Variants in GRM5 observed in about 807,000 individuals in gnomAD.
GRM5 encodes the protein metabotropic glutamate receptor 5.
A neutral mutation model predicts 83.1 loss-of-function variants in GRM5; 19 were observed. That is an observed-to-expected ratio of 0.23 (90% CI 0.16 to 0.34). GRM5 has a LOEUF of 0.34. Among genes scored for constraint, GRM5 ranks in the 10% least tolerant of loss-of-function variants. The pLI, the probability that GRM5 is intolerant of heterozygous loss-of-function variation, is 1.00. For missense variants in GRM5, 1,160 were observed against 1,588.3 expected, an observed-to-expected ratio of 0.73 and a Z score of 4.58; for synonymous variants, 675 against 633.6, an observed-to-expected ratio of 1.07 and a Z score of -0.98.
intron 9 of GRM5, 119 bp downstream of exon 9, chr11:88,525,190 G>T (rs1941836897): frequency 4.4e-6 from 3 of 684,216 alleles, no homozygotes; most frequent in Non-Finnish European, 5.3e-6. Context: ...TAGTAGCCTG[G>T]GTTGGACACA....
chr11:89,051,253 C>CA (rs749481078), intron 1 of GRM5, among the ~76,000 whole-genome samples: 15 of 148,786 alleles, frequency 1.0e-4, no homozygotes, highest in South Asian at 6.4e-4. Context: ...GACTCCGTCT[C>CA]ACAAAAAAGA....
chr11:88,852,967 A>G (rs1423086485), intron 2 of GRM5, among the ~76,000 whole-genome samples: 1 of 152,162 alleles, frequency 6.6e-6, no homozygotes, highest in East Asian at 1.9e-4. Flanking sequence ...AATATGTAGA[A>G]TGAGGAAAAA....
Position 88,931,643 on chromosome 11 carries a change from T to C in GRM5, c.662-81488A>G, listed in dbSNP as rs372457637. 5.3e-5 allele frequency among the ~76,000 whole-genome samples: 8 copies of C among 152,128 alleles called. No homozygotes were observed. The East Asian group carries it at 1.4e-3, about 26-fold the overall frequency. ...GCCCCACACAGGGCTCTAAAAGAGA[T>C]AAAATACAGTTGTTATTGTTGTTGT... On this transcript the variant is annotated intron_variant, in intron 2 of 9. Transcript: ENST00000305447.
intron 2 of GRM5, among the ~76,000 whole-genome samples, chr11:88,934,677 T>C (rs1187270877): frequency 6.6e-6 from 1 of 151,930 alleles, no homozygotes; most frequent in Non-Finnish European, 1.5e-5. Context: ...TTTATTTTAA[T>C]TGTATTCAAA....
At chr11:88,961,451 C>A (rs1938781462) in intron 2 of GRM5, among the ~76,000 whole-genome samples, 1 of 151,958 alleles carries the variant, frequency 6.6e-6, no homozygotes, top group Non-Finnish European at 1.5e-5. Flanking sequence ...GCAACTGTGC[C>A]AGGGTCAAAG....
intron 4 of GRM5, among the ~76,000 whole-genome samples, chr11:88,649,385 T>C (rs1239398136): frequency 7.0e-6 from 1 of 141,926 alleles, no homozygotes; most frequent in Non-Finnish European, 1.5e-5. Flanking sequence ...ATATTATGTA[T>C]TATATATTAT....
intron 2 of GRM5, among the ~76,000 whole-genome samples, chr11:89,005,486 A>G (rs1368700690): frequency 6.6e-6 from 1 of 152,224 alleles, no homozygotes; most frequent in Non-Finnish European, 1.5e-5. Flanking sequence ...GGGCCAAACA[A>G]AGGTAACAGT....
chr11:89,009,151 T>C, intron 2 of GRM5: 2 of 696,486 alleles, frequency 2.9e-6, no homozygotes, highest in South Asian at 1.6e-5. Flanking sequence ...AAAGGTTTTA[T>C]AAGTTAATTT....
At chr11:88,813,942 A>G (rs1414383969) in intron 3 of GRM5, among the ~76,000 whole-genome samples, 2 of 151,496 alleles carry the variant, frequency 1.3e-5, no homozygotes, top group Admixed American at 6.7e-5. Context: ...CTGATTAACC[A>G]TTAATTCAAA....
At chr11:88,556,619 C>T (rs888781705) in intron 8 of GRM5, among the ~76,000 whole-genome samples, 4 of 152,136 alleles carry the variant, frequency 2.6e-5, no homozygotes, top group African/African-American at 9.7e-5. Flanking sequence ...CCATGCATGG[C>T]CCTGTGGGAT....
rs1380374706 is a variant in GRM5, at chr11:88,508,938, A to G, written c.3293T>C (p.Leu1098Pro). Residue 1098 changes from leucine (L) to proline (P), a missense_variant, in exon 10 of 10, where the codon CTG (leucine) becomes CCG (proline). Physicochemically the swap from Leu to Pro is moderately conservative, Grantham distance 98 (BLOSUM62 -3). Transcript: ENST00000305447. The surrounding 1 kb of genome is among the most constrained non-coding windows in gnomAD (Gnocchi z 4.2). ...GGGCAACTGGATCTCTTTGGGGATCAGGTAGGACGAGCAGAGCGGGGCGCC... is the reference window on the plus strand; with the variant it reads ...GGGCAACTGGATCTCTTTGGGGATCGGGTAGGACGAGCAGAGCGGGGCGCC... ...GVGAPLCSSYLIPKEIQLPTT... is the reference protein window; with the variant it reads ...GVGAPLCSSYPIPKEIQLPTT... The G allele has an allele frequency of 6.3e-7, 1 of 1,598,426 alleles. No homozygotes were observed. The highest frequency in any genetic ancestry group is 8.5e-7 in the Non-Finnish European group (1 of 1,172,840).
At chr11:88,952,237 C>T (rs1185775506) in intron 2 of GRM5, among the ~76,000 whole-genome samples, 1 of 152,182 alleles carries the variant, frequency 6.6e-6, no homozygotes, top group East Asian at 1.9e-4. Flanking sequence ...TGCCACTTTT[C>T]TGAAAATCTC....
chr11:88,677,240 T>C (rs1940356926), intron 3 of GRM5, among the ~76,000 whole-genome samples: 1 of 152,124 alleles, frequency 6.6e-6, no homozygotes, highest in Non-Finnish European at 1.5e-5. Context: ...TTTAATATAA[T>C]GGGTAATGTT....
rs1017965968 is a variant in GRM5 at position 88,522,958 on chromosome 11, A to G, written c.2726+2351T>C. On this transcript the variant is annotated intron_variant, in intron 9 of 9. Transcript: ENST00000305447. ...CCTTTGTAGATCTGGACCTGACCCA[A>G]GGAAGCCTGGTATGTTTATCTGGGA... 9 of 151,896 alleles carry G rather than the reference A, an allele frequency of 5.9e-5. 1 individual carries two copies. In the East Asian group the frequency reaches 7.7e-4, roughly 13 times the overall value. The allele number at this position is 151,896 out of a possible 1,614,324, so 9.4% of individuals were successfully genotyped here.
intron 3 of GRM5, among the ~76,000 whole-genome samples, chr11:88,751,305 C>A (rs981516727): frequency 3.3e-5 from 5 of 151,992 alleles, no homozygotes; most frequent in African/African-American, 9.7e-5. Flanking sequence ...TTTAAACAAC[C>A]ATCAGAGAAT....
chr11:88,830,513 G>T (rs1413274347), intron 3 of GRM5, among the ~76,000 whole-genome samples: 2 of 152,122 alleles, frequency 1.3e-5, no homozygotes, highest in African/African-American at 2.4e-5. Context: ...AACACCTAAG[G>T]CAGAAAGGAA....
At chr11:88,834,100 CTA>C (rs1433844906) in intron 3 of GRM5, among the ~76,000 whole-genome samples, 3 of 152,030 alleles carry the variant, frequency 2.0e-5, no homozygotes, top group Admixed American at 6.6e-5. Context: ...TCTAAAATAT[CTA>C]TAAGAGAGAA....
intron 2 of GRM5, among the ~76,000 whole-genome samples, chr11:88,884,630 T>A (rs979121647): frequency 3.3e-5 from 5 of 152,190 alleles, no homozygotes; most frequent in African/African-American, 1.2e-4. Flanking sequence ...TACCCAAATC[T>A]TGAATGATAG....
At chr11:88,689,643 C>T (rs530453302) in intron 3 of GRM5, among the ~76,000 whole-genome samples, 7 of 152,236 alleles carry the variant, frequency 4.6e-5, no homozygotes, top group Non-Finnish European at 7.4e-5. Context: ...CCCTTTCATC[C>T]GGATTCAGCT....
Sources: gnomAD v4.1 joint callset for allele counts (sites outside exome capture counted in the v4.1 genomes callset) on GRCh38, gnomAD v4.1.1 for gene constraint, Gnocchi (gnomAD v3.1) non-coding constraint, MANE v1.5 for transcripts, NCBI Gene and HGNC (gene_info 2026-07-23, HGNC 2026-07-21) for gene names.